Variants in GAB2 observed in about 807,000 individuals in gnomAD.
The protein encoded by GAB2 is GRB2 associated binding protein 2, also known as GRB2-associated-binding protein 2.
A neutral mutation model predicts 65.5 loss-of-function variants in GAB2; 26 were observed. The ratio of observed to expected loss-of-function variants is 0.40; its 90% CI spans 0.29 to 0.55. The LOEUF is 0.55. Ranked by LOEUF, GAB2 falls within the 20% of genes least tolerant of loss-of-function variation. The pLI is 0.53. For missense variants in GAB2, 884 were observed against 875.8 expected, an observed-to-expected ratio of 1.01 and a Z score of -0.12; for synonymous variants, 321 against 329.6, an observed-to-expected ratio of 0.97 and a Z score of 0.28.
chr11:78,377,534 A>G (rs542449112), intron 1 of GAB2, among the ~76,000 whole-genome samples: 56 of 152,284 alleles, frequency 3.7e-4, no homozygotes, highest in Middle Eastern at 6.8e-3. Context: ...AGCAGGGAGT[A>G]CAGGGGACCG....
chr11:78,333,480 C>A (rs1183649197), intron 1 of GAB2, among the ~76,000 whole-genome samples: 2 of 152,084 alleles, frequency 1.3e-5, no homozygotes, highest in Non-Finnish European at 2.9e-5. Flanking sequence ...GTTACCCAGG[C>A]TAGTCTCAAA....
intron 1 of GAB2, among the ~76,000 whole-genome samples, chr11:78,331,206 G>A (rs990491675): frequency 2.7e-5 from 4 of 150,290 alleles, no homozygotes; most frequent in African/African-American, 9.8e-5. Context: ...TAAATAAATA[G>A]CAGGACCAGC....
Position 78,226,620 on chromosome 11 carries a change from G to GGGGGGGGGGGGCGC in GAB2, c.1051_1052insGCGCCCCCCCCCCC (p.Pro351ArgfsTer81). On this transcript the variant is annotated frameshift_variant, in exon 4 of 10. Transcript: ENST00000361507. LOFTEE classifies it high-confidence loss of function. ...ACTTGGCTTGGGGGGGCGGGGTGGGGGAGCTATGGCTGAGTCCCCAGGAGT... is the reference window on the plus strand; with the variant it reads ...ACTTGGCTTGGGGGGGCGGGGTGGGGGGGGGGGGGGGCGCGAGCTATGGCTGAGTCCCCAGGAGT... 1 of 1,500,584 alleles carries GGGGGGGGGGGGCGC rather than the reference G, an allele frequency of 6.7e-7. No individual in the cohort carries two copies. The highest frequency in any genetic ancestry group is 9.3e-7 in the Non-Finnish European group (1 of 1,079,044). 93.0% of individuals were successfully genotyped at this position (1,500,584 alleles called of 1,614,324 possible).
intron 2 of GAB2, among the ~76,000 whole-genome samples, chr11:78,255,742 G>A (rs2510036): frequency 6.6e-6 from 1 of 152,126 alleles, no homozygotes; most frequent in East Asian, 1.9e-4. Flanking sequence ...ATTCTACATG[G>A]CCATTCTGGA....
chr11:78,368,945 T>A (rs1856533445), intron 1 of GAB2, among the ~76,000 whole-genome samples: 3 of 151,874 alleles, frequency 2.0e-5, no homozygotes, highest in Admixed American at 2.0e-4. Context: ...AAAAATTTTT[T>A]AATTTGTTTA....
chr11:78,226,891 A>G lies in GAB2; in HGVS notation c.781T>C (p.Phe261Leu), dbSNP rs1468411480. 1 of 1,613,958 alleles carries G rather than the reference A, an allele frequency of 6.2e-7. No individual in the cohort carries two copies. The highest frequency in any genetic ancestry group is 1.7e-5 in the Admixed American group (1 of 60,010). The change falls in exon 4 of 10, where the codon TTC becomes CTC. Residue 261 changes from phenylalanine to leucine, a missense_variant. Phe to Leu is a conservative substitution (Grantham distance 22, BLOSUM62 0). Coordinates refer to ENST00000361507, the MANE Select transcript of GAB2 (RefSeq NM_080491.3). ...GGGAGGTCGTAGGTACTGTCTCTGA[A>G]TTCTGTATTGTGCCGGCTCGGCTTG... is the stretch of plus-strand genomic sequence containing the variant. ...LPKPSRHNTE[F>L]RDSTYDLPRS...
Position 78,217,945 on chromosome 11 carries a change from G to A in GAB2, c.*1327C>T, listed in dbSNP as rs1368541803. On this transcript the variant is annotated 3_prime_UTR_variant, in exon 10 of 10. Transcript: ENST00000361507. ...GCCCTGCTTTCTCCTTGTCCTGCCTGACCCACTGTCCCATCCTAGGAACGG... is the reference window on the plus strand; with the variant it reads ...GCCCTGCTTTCTCCTTGTCCTGCCTAACCCACTGTCCCATCCTAGGAACGG... 1 of 152,762 alleles carries A rather than the reference G, an allele frequency of 6.5e-6. No individual in the cohort carries two copies. The highest frequency in any genetic ancestry group is 6.5e-5 in the Admixed American group (1 of 15,278). 9.5% of individuals were successfully genotyped at this position (152,762 alleles called of 1,614,324 possible).
chr11:78,226,896 G>A lies in GAB2; in HGVS notation c.776C>T (p.Thr259Ile), dbSNP rs757770519. ...YSLPKPSRHN[T>I]EFRDSTYDLP... ...GTCGTAGGTACTGTCTCTGAATTCT[G>A]TATTGTGCCGGCTCGGCTTGGGAAG... The change falls in exon 4 of 10, where the codon ACA (threonine) becomes ATA (isoleucine). Residue 259 changes from threonine (T) to isoleucine (I), a missense_variant. By Grantham distance (89) the Thr-to-Ile change is moderately conservative (BLOSUM62 -1). Coordinates refer to ENST00000361507, the MANE Select transcript of GAB2 (RefSeq NM_080491.3). 1.2e-6 allele frequency: 2 copies of A among 1,614,096 alleles called. No individual in the cohort carries two copies. Among genetic ancestry groups the A allele is most frequent in the South Asian group, 1.1e-5 (1 of 91,082 alleles).
intron 1 of GAB2, among the ~76,000 whole-genome samples, chr11:78,307,707 T>C (rs1855399585): frequency 1.3e-5 from 2 of 152,108 alleles, no homozygotes; most frequent in Non-Finnish European, 2.9e-5. Context: ...TTATAACTAA[T>C]TGAATCTGCA....
intron 1 of GAB2, among the ~76,000 whole-genome samples, chr11:78,323,132 A>G (rs1282726182): frequency 6.6e-6 from 1 of 152,160 alleles, no homozygotes; most frequent in Non-Finnish European, 1.5e-5. Flanking sequence ...GGAATACTAC[A>G]CAGCTGTAAA....
chr11:78,236,890 C>T (rs1278167236), intron 3 of GAB2, among the ~76,000 whole-genome samples: 1 of 152,034 alleles, frequency 6.6e-6, no homozygotes, highest in Non-Finnish European at 1.5e-5. Flanking sequence ...ATATATTGTC[C>T]CAAACAGACA....
chr11:78,399,627 A>T (rs114874494), intron 1 of GAB2, among the ~76,000 whole-genome samples: 2,729 of 152,294 alleles, frequency 0.018, 93 homozygotes, highest in African/African-American at 0.064. Flanking sequence ...CCAGCTTGAG[A>T]ATTTCAGTTA....
At chr11:78,278,514 G>A (rs1866240064) in intron 2 of GAB2, among the ~76,000 whole-genome samples, 1 of 151,442 alleles carries the variant, frequency 6.6e-6, no homozygotes, top group Non-Finnish European at 1.5e-5. Context: ...CTGAGTAGCT[G>A]GGAATACAGG....
intron 1 of GAB2, among the ~76,000 whole-genome samples, chr11:78,389,647 T>C (rs886576707): frequency 6.6e-6 from 1 of 152,186 alleles, no homozygotes; most frequent in Non-Finnish European, 1.5e-5. Context: ...AAAATAGTGG[T>C]GATGGCTGTA....
At chr11:78,350,933 C>T (rs1856267865) in intron 1 of GAB2, among the ~76,000 whole-genome samples, 1 of 152,206 alleles carries the variant, frequency 6.6e-6, no homozygotes, top group Non-Finnish European at 1.5e-5. Flanking sequence ...AGACACACAA[C>T]CCGACAGGGG....
At position 78,417,757 on chromosome 11, in the gene GAB2, C is replaced by G. The variant is rs754077438; in HGVS notation, c.-37G>C. On this transcript the variant is annotated 5_prime_UTR_variant, in exon 1 of 10. Coordinates refer to ENST00000361507, the MANE Select transcript of GAB2 (RefSeq NM_080491.3). ...GGAGCCCCCCGCCGGGTCGCGCGGACGAGGGCGCGGGCTCGGGCAGCTGGG... is the reference window on the plus strand; with the variant it reads ...GGAGCCCCCCGCCGGGTCGCGCGGAGGAGGGCGCGGGCTCGGGCAGCTGGG... 1 of 1,144,108 alleles carries G rather than the reference C, an allele frequency of 8.7e-7. No homozygotes were observed. The highest frequency in any genetic ancestry group is 1.1e-6 in the Non-Finnish European group (1 of 914,484). 70.9% of individuals were successfully genotyped at this position (1,144,108 alleles called of 1,614,324 possible). A position where few individuals can be genotyped will look rare whatever the true frequency, so the allele number is the denominator to read the frequency against.
At chr11:78,306,026 C>A (rs1024363965) in intron 1 of GAB2, among the ~76,000 whole-genome samples, 2 of 152,188 alleles carry the variant, frequency 1.3e-5, no homozygotes, top group African/African-American at 4.8e-5. Flanking sequence ...AGCAGTTTAA[C>A]GTCTAGAATG....
chr11:78,287,533 C>T (rs1052371330), intron 1 of GAB2, among the ~76,000 whole-genome samples: 2 of 152,142 alleles, frequency 1.3e-5, no homozygotes, highest in African/African-American at 4.8e-5. Flanking sequence ...CTGCCTTGGC[C>T]TCCCAAAATG....
chr11:78,309,927 T>TGC lies in GAB2; in HGVS notation c.76-29027_76-29026insGC, dbSNP rs1855453579. 2.1e-4 allele frequency among the ~76,000 whole-genome samples: 3 copies of TGC among 14,162 alleles called. No individual in the cohort carries two copies. In the South Asian group the frequency reaches 0.054, roughly 253 times the overall value. 9.3% of individuals were successfully genotyped at this position (14,162 alleles called of 152,430 possible). ...GGTTCACTTTGGGGAGGGTTAGAAATGTGTGTGTGTGTGTGTGTGTGTGTG... is the reference window on the plus strand; with the variant it reads ...GGTTCACTTTGGGGAGGGTTAGAAATGCGTGTGTGTGTGTGTGTGTGTGTGTG... On this transcript the variant is annotated intron_variant, in intron 1 of 9. Transcript: ENST00000361507.
Sources: gnomAD v4.1 joint callset for allele counts (sites outside exome capture counted in the v4.1 genomes callset) on GRCh38, gnomAD v4.1.1 for gene constraint, MANE v1.5 for transcripts, NCBI Gene and HGNC (gene_info 2026-07-23, HGNC 2026-07-21) for gene names.